EML1: variants seen among roughly 807,000 people sequenced by gnomAD.
EML1 encodes EMAP like 1.
In EML1, 27 loss-of-function variants were observed where a neutral mutation model predicts 110.4. The observed-to-expected ratio is 0.24, with a 90% CI of 0.18 to 0.34. EML1 has a LOEUF of 0.34. Ranked by LOEUF, EML1 falls within the 10% of genes least tolerant of loss-of-function variation. The pLI, the probability that EML1 is intolerant of heterozygous loss-of-function variation, is 1.00. For missense variants in EML1, 741 were observed against 1,030.9 expected (o/e 0.72, Z 3.85); for synonymous variants, 344 against 385.8 (o/e 0.89, Z 1.27).
chr14:99,881,329 A>G (rs1045731258), intron 4 of EML1, among the ~76,000 whole-genome samples: 6 of 152,200 alleles, frequency 3.9e-5, no homozygotes, highest in Non-Finnish European at 8.8e-5. Context: ...AGCTTCTCAC[A>G]CGCCATGTGC....
intron 1 of EML1, among the ~76,000 whole-genome samples, chr14:99,849,069 C>T (rs2058749053): frequency 6.6e-6 from 1 of 152,016 alleles, no homozygotes; most frequent in Admixed American, 6.6e-5. Context: ...CAGTGCTCTT[C>T]ATTTTTTTCT....
At chr14:99,830,921 C>G (rs1025595442) in intron 1 of EML1, among the ~76,000 whole-genome samples, 3 of 152,064 alleles carry the variant, frequency 2.0e-5, no homozygotes, top group Non-Finnish European at 4.4e-5. Flanking sequence ...CAGACCGGGC[C>G]CTTTGTCAGA....
At position 99,932,062 on chromosome 14, in the gene EML1, T is replaced by C. The variant is rs147142198; in HGVS notation, c.1910-3967T>C. ...CACTGGTGGGTGCGTGCTAAGGACG[T>C]GGAAACCTGGGTGGGGTGGGGTGGT... On this transcript the variant is annotated intron_variant, in intron 17 of 21. Coordinates refer to ENST00000262233, the MANE Select transcript of EML1 (RefSeq NM_004434.3). 2.8e-3 allele frequency among the ~76,000 whole-genome samples: 420 copies of C among 152,178 alleles called. 2 individuals carry two copies. The highest frequency in any genetic ancestry group is 9.6e-3 in the African/African-American group (399 of 41,502).
At chr14:99,853,780 C>T (rs1248443940) in intron 2 of EML1, among the ~76,000 whole-genome samples, 7 of 152,264 alleles carry the variant, frequency 4.6e-5, no homozygotes, top group African/African-American at 1.7e-4. Flanking sequence ...AGCGATTCTC[C>T]AGCCTCAGCT....
intron 1 of EML1, chr14:99,850,203 T>C (rs1337210541): frequency 9.8e-7 from 1 of 1,021,376 alleles, no homozygotes. Flanking sequence ...CCTCCCAAAG[T>C]GTTCTCTGTG....
intron 1 of EML1, among the ~76,000 whole-genome samples, chr14:99,760,032 G>A (rs149601476): frequency 1.6e-3 from 228 of 138,206 alleles, no homozygotes; most frequent in African/African-American, 5.7e-3. Flanking sequence ...GCTTGAACCC[G>A]GGAGGCGGAT....
rs1001859758 is a variant in EML1, at chr14:99,830,584, C to G, written c.68-20269C>G. Among the ~76,000 whole-genome samples, 4 of 151,474 alleles carry G rather than the reference C, an allele frequency of 2.6e-5. No homozygotes were observed. The South Asian group carries it at 8.3e-4, about 32-fold the overall frequency. On this transcript the variant is annotated intron_variant, in intron 1 of 21. Coordinates refer to ENST00000262233, the MANE Select transcript of EML1 (RefSeq NM_004434.3). ...TTGTTTTTTGAGACAGAGTCTAGCTCTTGTCACCCAGGCTGGAGTGCAGTG... is the reference window on the plus strand; with the variant it reads ...TTGTTTTTTGAGACAGAGTCTAGCTGTTGTCACCCAGGCTGGAGTGCAGTG...
At chr14:99,829,305 C>T (rs1045176579) in intron 1 of EML1, among the ~76,000 whole-genome samples, 4 of 152,172 alleles carry the variant, frequency 2.6e-5, no homozygotes, top group Non-Finnish European at 5.9e-5. Context: ...TGCTGTTGCA[C>T]TCTCATGAGT....
chr14:99,824,686 T>G (rs1413135599), intron 1 of EML1, among the ~76,000 whole-genome samples: 2 of 152,086 alleles, frequency 1.3e-5, no homozygotes, highest in African/African-American at 4.8e-5. Flanking sequence ...GGGCTTCTGG[T>G]GAACCTATCG....
Position 99,939,611 on chromosome 14 carries a change from C to T in EML1, c.2322+284C>T, listed in dbSNP as rs983279315. ...CTCCCTTGCTCCGGCCCTGCTCAGC[C>T]GCGCCAGCCCTGAGCCCTGGGACGC... On this transcript the variant is annotated intron_variant, in intron 21 of 21. Coordinates refer to ENST00000262233, the MANE Select transcript of EML1 (RefSeq NM_004434.3). The surrounding 1 kb of genome is among the most constrained non-coding windows in gnomAD (Gnocchi z 4.2). Among the ~76,000 whole-genome samples the T allele has an allele frequency of 3.3e-5, 5 of 152,162 alleles. No individual in the cohort carries two copies. The highest frequency in any genetic ancestry group is 2.1e-4 in the South Asian group (1 of 4,836).
chr14:99,741,399 G>A (rs2057040912), intron 1 of EML1, among the ~76,000 whole-genome samples: 1 of 151,978 alleles, frequency 6.6e-6, no homozygotes, highest in African/African-American at 2.4e-5. Flanking sequence ...CTCCCCCAAT[G>A]CCCTGCAGCT....
intron 1 of EML1, among the ~76,000 whole-genome samples, chr14:99,806,316 C>CTTTTTTTTTTTTTTTTTTTTTTTTTT (rs1198890041): frequency 1.1e-5 from 1 of 87,754 alleles, no homozygotes; most frequent in Non-Finnish European, 2.1e-5. Flanking sequence ...TCTCCAGAAT[C>CTTTTTTTTTTTTTTTTTTTTTTTTTT]TTTTTTTTTT....
chr14:99,899,378 C>T (rs1030988033), intron 8 of EML1: 10 of 149,082 alleles, frequency 6.7e-5, no homozygotes, highest in Admixed American at 6.6e-4. Flanking sequence ...TGCAGTGGCA[C>T]AATCACGGGT....
intron 1 of EML1, among the ~76,000 whole-genome samples, chr14:99,788,362 C>T (rs1419338407): frequency 6.6e-6 from 1 of 152,150 alleles, no homozygotes; most frequent in Non-Finnish European, 1.5e-5. Context: ...TAAGTAAATA[C>T]CAATGTTTCC....
At position 99,782,615 on chromosome 14, in the gene EML1, T is replaced by C. The variant is rs111981993; in HGVS notation, c.-27+8602T>C. Among the ~76,000 whole-genome samples the C allele has an allele frequency of 6.9e-3, 1,049 of 152,228 alleles. 13 individuals are homozygous for C. Among genetic ancestry groups the C allele is most frequent in the African/African-American group, 0.024 (1,007 of 41,510 alleles). On this transcript the variant is annotated intron_variant, in intron 1 of 22. Transcript: ENST00000327921. ...CTGTGAGGGAGATAGGGGAGCAACT[T>C]CTTATTGAGTTGACTTCCAGAAGGA...
chr14:99,850,750 A>G (rs1595378352), intron 1 of EML1, 103 bp from the exon 2 acceptor site: 46 of 1,243,788 alleles, frequency 3.7e-5, no homozygotes, highest in Middle Eastern at 1.9e-4. Flanking sequence ...AAGTGTTACT[A>G]TGTTAAAACA....
At chr14:99,744,142 C>CT (rs1269260285) in intron 1 of EML1, among the ~76,000 whole-genome samples, 1 of 152,100 alleles carries the variant, frequency 6.6e-6, no homozygotes. Context: ...GTTTCTTACT[C>CT]TTTTTTTACA....
intron 1 of EML1, among the ~76,000 whole-genome samples, chr14:99,799,296 A>C (rs1409592235): frequency 1.3e-5 from 2 of 152,230 alleles, no homozygotes; most frequent in African/African-American, 4.8e-5. Flanking sequence ...TTTATTTAAT[A>C]ATCTTAAACA....
intron 1 of EML1, among the ~76,000 whole-genome samples, chr14:99,834,047 C>T (rs1378486265): frequency 6.6e-6 from 1 of 152,126 alleles, no homozygotes; most frequent in Non-Finnish European, 1.5e-5. Flanking sequence ...TGTAGGTGTT[C>T]TATAGACACC....
Sources: gnomAD v4.1 joint callset for allele counts (sites outside exome capture counted in the v4.1 genomes callset) on GRCh38, gnomAD v4.1.1 for gene constraint, Gnocchi (gnomAD v3.1) non-coding constraint, MANE v1.5 for transcripts, NCBI Gene and HGNC (gene_info 2026-07-23, HGNC 2026-07-21) for gene names.